Variants in CLCN6 observed in about 807,000 individuals in gnomAD.
CLCN6 encodes H(+)/Cl(-) exchange transporter 6.
In CLCN6, 70 loss-of-function variants were observed where a neutral mutation model predicts 109.8. That is an observed-to-expected ratio of 0.64 (90% CI 0.53 to 0.78). The LOEUF is 0.78. Among genes scored for constraint, CLCN6 ranks in the 30% least tolerant of loss-of-function variants. The pLI is 0.00. For synonymous variants in CLCN6, 444 were observed against 447.8 expected, an observed-to-expected ratio of 0.99 and a Z score of 0.11; for missense variants, 984 against 1,142.3, an observed-to-expected ratio of 0.86 and a Z score of 2.00.
intron 2 of CLCN6, among the ~76,000 whole-genome samples, chr1:11,814,108 G>A (rs1446977918): frequency 2.0e-5 from 3 of 152,186 alleles, no homozygotes; most frequent in Non-Finnish European, 4.4e-5. Context: ...CTCATCACAT[G>A]TGTTTGGCTG....
chr1:11,813,663 TTACAGA>T (rs1284639980), intron 2 of CLCN6, among the ~76,000 whole-genome samples: 3 of 152,146 alleles, frequency 2.0e-5, no homozygotes, highest in African/African-American at 7.2e-5. Context: ...ACTGCTGGAA[TTACAGA>T]CGTGAGCCAT....
Position 11,823,708 on chromosome 1 carries a change from C to T in CLCN6, c.455C>T (p.Pro152Leu), listed in dbSNP as rs749895146. Residue 152 changes from proline to leucine, a missense_variant and splice_region_variant, in exon 7 of 23, where the codon CCG becomes CTG. Physicochemically the swap from Pro to Leu is moderately conservative, Grantham distance 98. Coordinates refer to ENST00000346436, the MANE Select transcript of CLCN6 (RefSeq NM_001286.5). Reference protein sequence around the residue: ...FLASLLVLIEPVAAGSGIPEV... With the variant: ...FLASLLVLIELVAAGSGIPEV... ...GGTGTGCCTGCTCTCCTCCATCAGC[C>T]GGTGGCAGCAGGTTCCGGGATACCC... The T allele has an allele frequency of 6.8e-6, 11 of 1,614,016 alleles. No homozygotes were observed. Among genetic ancestry groups the T allele is most frequent in the East Asian group, 2.2e-5 (1 of 44,896 alleles).
intron 20 of CLCN6, 143 bp downstream of exon 20, chr1:11,837,642 G>A (rs188793051): frequency 5.3e-5 from 42 of 787,208 alleles, no homozygotes; most frequent in Middle Eastern, 3.2e-4. Context: ...GGGAGGAGTC[G>A]CCACAGCCGG....
Position 11,821,327 on chromosome 1 carries a change from G to A in CLCN6, c.347-1368G>A, listed in dbSNP as rs1644740651. ...AATCCCAGCACTTTGGGAGGCCGAG[G>A]CAGGCGGATCACTTGAGGTCAGGAG... On this transcript the variant is annotated intron_variant, in intron 5 of 22. Transcript: ENST00000346436. 6.6e-5 allele frequency among the ~76,000 whole-genome samples: 10 copies of A among 152,312 alleles called. No individual in the cohort carries two copies. The South Asian group carries it at 2.1e-3, about 32-fold the overall frequency.
intron 13 of CLCN6, among the ~76,000 whole-genome samples, chr1:11,829,688 GGGAACAACCCTGGCATCACAGAGGGGA>G (rs1379268103): frequency 1.1e-4 from 15 of 138,584 alleles, no homozygotes; most frequent in Middle Eastern, 7.7e-3. Flanking sequence ...AGGGGAACCT[GGGAACAACCCTGGCATCACAGAGGGGA>G]ACCTGGGAAC....
rs571676971 is a variant in CLCN6 at position 11,807,249 on chromosome 1, G to T, written c.147+59G>T. On this transcript the variant is annotated intron_variant, in intron 2 of 22. Coordinates refer to ENST00000346436, the MANE Select transcript of CLCN6 (RefSeq NM_001286.5). The stretch of plus-strand genomic sequence containing the variant: ...GTAGTGAGTGGCCTGGTCACTTCAG[G>T]CCGAAGCATTATGATTCCAACCAGA... 17 of 1,468,502 alleles carry T rather than the reference G, an allele frequency of 1.2e-5. No homozygotes were observed. In the African/African-American group the frequency reaches 2.1e-4, roughly 18 times the overall value. The allele number at this position is 1,468,502 out of a possible 1,614,324, so 91.0% of individuals were successfully genotyped here.
intron 4 of CLCN6, among the ~76,000 whole-genome samples, 170 bp from the exon 5 acceptor site, chr1:11,819,318 G>T (rs1328347688): frequency 6.6e-6 from 1 of 152,178 alleles, no homozygotes; most frequent in African/African-American, 2.4e-5. Flanking sequence ...GGCTGGAGAA[G>T]GGATCTCCTC....
In CLCN6 at chr1:11,827,236, C is replaced by T. The variant is rs1490554825; in HGVS notation, c.840+15C>T. ...CGTGGAAAGTGGTGAGGAGGACCTT[C>T]AGTGAAAGCATTAACCACACCCCCC... is the stretch of plus-strand genomic sequence containing the variant. On this transcript the variant is annotated intron_variant, in intron 10 of 22. Transcript: ENST00000346436. The T allele has an allele frequency of 3.7e-6, 6 of 1,606,136 alleles. No homozygotes were observed. The highest frequency in any genetic ancestry group is 2.2e-5 in the South Asian group (2 of 90,674).
chr1:11,809,144 C>T (rs1411449753), intron 2 of CLCN6, among the ~76,000 whole-genome samples: 2 of 152,078 alleles, frequency 1.3e-5, no homozygotes, highest in Non-Finnish European at 2.9e-5. Context: ...CAGGTATGAG[C>T]CACTATACCT....
chr1:11,835,987 T>C lies in CLCN6; in HGVS notation c.1814T>C (p.Met605Thr), dbSNP rs1644938944. 3.1e-6 allele frequency: 5 copies of C among 1,613,470 alleles called. No individual in the cohort carries two copies. Among genetic ancestry groups the C allele is most frequent in the African/African-American group, 1.3e-5 (1 of 74,778 alleles). Residue 605 changes from methionine to threonine, a missense_variant, in exon 18 of 23, where the codon ATG becomes ACG. Met to Thr is a moderately conservative substitution (Grantham distance 81). Coordinates refer to ENST00000346436, the MANE Select transcript of CLCN6 (RefSeq NM_001286.5). ...EMDKLRASDI[M>T]EPNLTYVYPH... Reference sequence around the variant, plus strand: ...CCCAGGCTGAGAGCCAGCGACATCATGGAGCCCAACCTGACCTACGTCTAC... The same window carrying C: ...CCCAGGCTGAGAGCCAGCGACATCACGGAGCCCAACCTGACCTACGTCTAC...
chr1:11,837,842 G>A (rs1030986069), intron 20 of CLCN6, among the ~76,000 whole-genome samples: 13 of 152,146 alleles, frequency 8.5e-5, no homozygotes, highest in Admixed American at 3.9e-4. Context: ...GTCATCACAC[G>A]GCGTTCTCCT....
intron 18 of CLCN6, among the ~76,000 whole-genome samples, chr1:11,836,706 G>A (rs1437598340): frequency 6.6e-6 from 1 of 152,196 alleles, no homozygotes; most frequent in Admixed American, 6.5e-5. Flanking sequence ...TTTGGGGGCA[G>A]GCACGTTGAT....
At chr1:11,838,951 T>C in intron 22 of CLCN6, 2 of 709,502 alleles carry the variant, frequency 2.8e-6, no homozygotes, top group Non-Finnish European at 5.3e-6. Flanking sequence ...ACCACTGGTG[T>C]TCCTTGGTTC....
rs763864540 is a variant in CLCN6, at chr1:11,838,365, G to A, written c.2326G>A (p.Glu776Lys). 9 of 1,613,836 alleles carry A rather than the reference G, an allele frequency of 5.6e-6. No individual in the cohort carries two copies. The highest frequency in any genetic ancestry group is 1.1e-5 in the South Asian group (1 of 91,090). ...SASQPRLSYA[E>K]MAEDYPRYPD... Reference sequence around the variant, plus strand: ...CAGCCAGCCGCGCCTCTCCTATGCCGAGATGGCCGAGGACTACCCGCGGTA... The same window carrying A: ...CAGCCAGCCGCGCCTCTCCTATGCCAAGATGGCCGAGGACTACCCGCGGTA... Residue 776 changes from glutamate to lysine, a missense_variant, in exon 21 of 23, where the codon GAG becomes AAG. Coordinates refer to ENST00000346436, the MANE Select transcript of CLCN6 (RefSeq NM_001286.5).
At position 11,840,543 on chromosome 1, in the gene CLCN6, G is replaced by C. The variant is rs1645006755; in HGVS notation, c.*320G>C. On this transcript the variant is annotated 3_prime_UTR_variant, in exon 23 of 23. Transcript: ENST00000346436. ...AGAGGTAGAATCAGGCGGGCCCCGG[G>C]CTGCACTCCGAGCAGTGTTCCTGGC... 2.2e-6 allele frequency: 1 copy of C among 449,932 alleles called. No individual in the cohort carries two copies. Among genetic ancestry groups the C allele is most frequent in the Admixed American group, 3.4e-5 (1 of 29,348 alleles). 27.9% of individuals were successfully genotyped at this position (449,932 alleles called of 1,614,324 possible). A position where few individuals can be genotyped will look rare whatever the true frequency, so the allele number is the denominator to read the frequency against.
chr1:11,825,095 T>A (rs991774679), intron 8 of CLCN6, among the ~76,000 whole-genome samples: 3 of 152,134 alleles, frequency 2.0e-5, no homozygotes, highest in African/African-American at 7.2e-5. Flanking sequence ...GAGGTTGAGG[T>A]ACTAGCTCGA....
In CLCN6 at chr1:11,838,634, C is replaced by G. The variant is rs766771379; in HGVS notation, c.2503C>G (p.Leu835Val). Reference sequence around the variant, plus strand: ...GTTCAGAACGATGGGCCTGCGCCACCTGCCCGTGGTGAACGCTGTGGGAGA... The same window carrying G: ...GTTCAGAACGATGGGCCTGCGCCACGTGCCCGTGGTGAACGCTGTGGGAGA... ...NLFRTMGLRH[L>V]PVVNAVGEIV... The change falls in exon 22 of 23, where the codon CTG becomes GTG. Residue 835 changes from leucine (L) to valine (V), a missense_variant. Physicochemically the swap from Leu to Val is conservative, Grantham distance 32 (BLOSUM62 1). Transcript: ENST00000346436. 3.1e-6 allele frequency: 5 copies of G among 1,614,290 alleles called. No individual in the cohort carries two copies. Among genetic ancestry groups the G allele is most frequent in the Non-Finnish European group, 4.2e-6 (5 of 1,180,056 alleles).
rs1372003784 is a variant in CLCN6, at chr1:11,828,138, C to G, written c.873C>G (p.Leu291=). The G allele has an allele frequency of 6.2e-7, 1 of 1,614,094 alleles. No individual in the cohort carries two copies. The highest frequency in any genetic ancestry group is 1.7e-5 in the Admixed American group (1 of 60,004). ...LFCSMSATFT[L]NFFRSGIQFG... The stretch of plus-strand genomic sequence containing the variant: ...GTTCCATGTCTGCCACCTTCACCCT[C>G]AACTTCTTCCGTTCTGGGATTCAGT... Residue 291 remains leucine (L), a synonymous_variant, in exon 11 of 23, where the codon CTC becomes CTG. Transcript: ENST00000346436.
At chr1:11,820,999 C>A (rs1644733673) in intron 5 of CLCN6, among the ~76,000 whole-genome samples, 1 of 151,240 alleles carries the variant, frequency 6.6e-6, no homozygotes, top group Non-Finnish European at 1.5e-5. Flanking sequence ...TCGCTTGAAC[C>A]CGGGAGACAG....
Sources: allele counts gnomAD v4.1 joint callset (sites outside exome capture counted in the v4.1 genomes callset), GRCh38; gene constraint gnomAD v4.1.1; transcripts MANE v1.5; gene names NCBI Gene and HGNC (gene_info 2026-07-23, HGNC 2026-07-21).